The following FKBP2 variants were observed in gnomAD, a reference collection of about 807,000 sequenced individuals.
The protein encoded by FKBP2 is FKBP prolyl isomerase 2, also known as peptidyl-prolyl cis-trans isomerase FKBP2.
FKBP2 carries 15 observed loss-of-function variants against 19.4 expected under a neutral mutation model. That is an observed-to-expected ratio of 0.77 (90% CI 0.52 to 1.19). FKBP2 has a LOEUF of 1.19. Ranked by LOEUF, FKBP2 falls within the 50% of genes most tolerant of loss-of-function variation. FKBP2 has a pLI of 0.00. For missense variants in FKBP2, 170 were observed against 179.0 expected (o/e 0.95, Z 0.29); for synonymous variants, 76 against 74.8 (o/e 1.02, Z -0.08).
At chr11:64,242,644 G>T (rs1024978202) in intron 2 of FKBP2, 86 bp downstream of exon 2, 2 of 1,417,056 alleles carry the variant, frequency 1.4e-6, no homozygotes, top group African/African-American at 1.5e-5. Flanking sequence ...CCATAAGCCA[G>T]GTAGGTGACC....
intron 1 of FKBP2, 50 bp from the exon 2 acceptor site, chr11:64,242,334 T>A: frequency 1.4e-6 from 2 of 1,461,256 alleles, no homozygotes; most frequent in Non-Finnish European, 1.8e-6. Context: ...TTCCATACTC[T>A]CCCTGCCCTC....
rs749331014 is a variant in FKBP2 at position 64,243,893 on chromosome 11, T to TA, written c.367+18dup. The stretch of plus-strand genomic sequence containing the variant: ...AGATTCCAGGTAGTAAACCTTTTGA[T>TA]ACCTCCCATCACCTGCAGCCAGCCC... On this transcript the variant is annotated intron_variant, in intron 5 of 5. Coordinates refer to ENST00000309366, the MANE Select transcript of FKBP2 (RefSeq NM_004470.4). 2 of 1,614,042 alleles carry TA rather than the reference T, an allele frequency of 1.2e-6. No homozygotes were observed.
rs1274014262 is a variant in FKBP2 at position 64,244,058 on chromosome 11, C to G, written c.*29C>G. 7 of 1,610,792 alleles carry G rather than the reference C, an allele frequency of 4.3e-6. No homozygotes were observed. Among genetic ancestry groups the G allele is most frequent in the Non-Finnish European group, 5.9e-6 (7 of 1,177,352 alleles). ...GACTGGGGAGGGGCAGGGGGAGAGG[C>G]CCCCATCAGGGACCAGACTGTTCCA... is the stretch of plus-strand genomic sequence containing the variant. On this transcript the variant is annotated 3_prime_UTR_variant, in exon 6 of 6. Transcript: ENST00000309366.
In FKBP2 at chr11:64,244,093, C is replaced by T. The variant is rs2030749627; in HGVS notation, c.*64C>T. On this transcript the variant is annotated 3_prime_UTR_variant, in exon 6 of 6. Coordinates refer to ENST00000309366, the MANE Select transcript of FKBP2 (RefSeq NM_004470.4). Reference sequence around the variant, plus strand: ...GGACCAGACTGTTCCAAAAAAAAAACAAAAAACAAAAACAAACAAAAAAAC... The same window carrying T: ...GGACCAGACTGTTCCAAAAAAAAAATAAAAAACAAAAACAAACAAAAAAAC... 3 of 1,524,378 alleles carry T rather than the reference C, an allele frequency of 2.0e-6. No homozygotes were observed. The Admixed American group carries it at 5.5e-5, about 28-fold the overall frequency. The allele number at this position is 1,524,378 out of a possible 1,614,324, so 94.4% of individuals were successfully genotyped here.
intron 4 of FKBP2, 170 bp downstream of exon 4, chr11:64,243,667 C>T: frequency 8.6e-7 from 1 of 1,160,964 alleles, no homozygotes; most frequent in Non-Finnish European, 1.3e-6. Context: ...CATTGAAGCA[C>T]TCAGCTGTAG....
rs752626250 is a variant in FKBP2 at position 64,243,821 on chromosome 11, T to A, written c.332-20T>A. The A allele has an allele frequency of 9.3e-6, 15 of 1,613,844 alleles. No individual in the cohort carries two copies. Among genetic ancestry groups the A allele is most frequent in the Admixed American group, 3.3e-5 (2 of 60,006 alleles). ...GGGAGCTTGGCCATCACTGACTGTTTCTTTGTGCATCTTCAACAGGGTATG... is the reference window on the plus strand; with the variant it reads ...GGGAGCTTGGCCATCACTGACTGTTACTTTGTGCATCTTCAACAGGGTATG... On this transcript the variant is annotated intron_variant, in intron 4 of 5. Coordinates refer to ENST00000309366, the MANE Select transcript of FKBP2 (RefSeq NM_004470.4).
rs748473913 is a variant in FKBP2 at position 64,244,012 on chromosome 11, C to T, written c.412C>T (p.Arg138Ter). ...VFEVELLKIERRTEL is the reference protein window; with the variant it reads ...VFEVELLKIE ...CGAGGTGGAGCTGCTCAAAATAGAG[C>T]GACGAACTGAGCTGTAACCAGACTG... is the stretch of plus-strand genomic sequence containing the variant. Residue 138 changes from arginine (R) to a stop codon, truncating the protein, a stop_gained, in exon 6 of 6, where the codon CGA becomes TGA. Transcript: ENST00000309366. LOFTEE classifies it high-confidence loss of function. 4.3e-6 allele frequency: 7 copies of T among 1,613,698 alleles called. No homozygotes were observed. The highest frequency in any genetic ancestry group is 1.7e-5 in the Admixed American group (1 of 59,962).
chr11:64,243,058 A>G (rs1162503218), intron 2 of FKBP2, 141 bp from the exon 3 acceptor site: 1 of 695,852 alleles, frequency 1.4e-6, no homozygotes, highest in East Asian at 2.7e-5. Context: ...GGCAACAGAG[A>G]CTCCATCTCA....
In FKBP2 at chr11:64,242,462, C is replaced by T; in HGVS notation, c.75C>T (p.Ala25=). 6.5e-7 allele frequency: 1 copy of T among 1,547,298 alleles called. No homozygotes were observed. The highest frequency in any genetic ancestry group is 8.7e-7 in the Non-Finnish European group (1 of 1,154,048). Residue 25 remains alanine (A), a synonymous_variant, in exon 2 of 6, where the codon GCC becomes GCT. Transcript: ENST00000309366. ...GCGCCGTGGCCACGGCCACGGGGGC[C>T]GAGGGCAAAAGGAAGCTGCAGATCG... The part of the protein sequence containing the change: ...CLSAVATATG[A]EGKRKLQIGV...
chr11:64,242,243 GGGCGGTGACCC>G, intron 1 of FKBP2, 130 bp from the exon 2 acceptor site: 2 of 803,978 alleles, frequency 2.5e-6, no homozygotes, highest in Non-Finnish European at 3.6e-6. Context: ...CCGGGGGAGA[GGGCGGTGACCC>G]GGGACAAAGG....
chr11:64,244,067 G>A lies in FKBP2; in HGVS notation c.*38G>A, dbSNP rs185914660. Reference sequence around the variant, plus strand: ...GGGGCAGGGGGAGAGGCCCCCATCAGGGACCAGACTGTTCCAAAAAAAAAA... The same window carrying A: ...GGGGCAGGGGGAGAGGCCCCCATCAAGGACCAGACTGTTCCAAAAAAAAAA... On this transcript the variant is annotated 3_prime_UTR_variant, in exon 6 of 6. Transcript: ENST00000309366. 6.3e-3 allele frequency: 10,143 copies of A among 1,602,166 alleles called. 52 individuals carry two copies. Among genetic ancestry groups the A allele is most frequent in the Non-Finnish European group, 7.9e-3 (9,256 of 1,171,582 alleles).
chr11:64,242,535 G>T lies in FKBP2; in HGVS notation c.148G>T (p.Asp50Tyr), dbSNP rs1215996171. 1 of 1,553,096 alleles carries T rather than the reference G, an allele frequency of 6.4e-7. No individual in the cohort carries two copies. The highest frequency in any genetic ancestry group is 1.2e-5 in the South Asian group (1 of 83,830). The change falls in exon 2 of 6, where the codon GAT becomes TAT. Residue 50 changes from aspartate (D) to tyrosine (Y), a missense_variant. Physicochemically the swap from Asp to Tyr is radical, Grantham distance 160. Transcript: ENST00000309366. ...CTGTCCCATCAAATCGCGCAAAGGG[G>T]ATGTCCTGCACATGCACTACACGGT... is the stretch of plus-strand genomic sequence containing the variant. Reference protein sequence around the residue: ...DHCPIKSRKGDVLHMHYTGKL... With the variant: ...DHCPIKSRKGYVLHMHYTGKL...
intron 1 of FKBP2, 194 bp from the exon 2 acceptor site, chr11:64,242,190 C>T: frequency 2.0e-6 from 1 of 510,420 alleles, no homozygotes; most frequent in Non-Finnish European, 3.3e-6. Context: ...GGGTCCTCGG[C>T]CAAGCCCCCT....
chr11:64,243,684 C>G, intron 4 of FKBP2, 157 bp from the exon 5 acceptor site: 1 of 1,185,522 alleles, frequency 8.4e-7, no homozygotes, highest in Non-Finnish European at 1.2e-6. Flanking sequence ...GTAGTGGCCC[C>G]ACTCTGCCCT....
At chr11:64,242,933 G>A (rs1330348026) in intron 2 of FKBP2, among the ~76,000 whole-genome samples, 4 of 152,200 alleles carry the variant, frequency 2.6e-5, no homozygotes, top group African/African-American at 7.2e-5. Context: ...TTAGCCAGGC[G>A]TGGTGGCGGG....
chr11:64,243,987 C>T lies in FKBP2; in HGVS notation c.387C>T (p.Phe129=), dbSNP rs552389491. 3.7e-6 allele frequency: 6 copies of T among 1,613,910 alleles called. No homozygotes were observed. In the African/African-American group the frequency reaches 6.7e-5, roughly 18 times the overall value. Residue 129 remains phenylalanine (F), a synonymous_variant, in exon 6 of 6, where the codon TTC becomes TTT. Transcript: ENST00000309366. ...PKIPGGATLV[F]EVELLKIERR... is the part of the protein sequence containing the mutation. ...CTACAGGTGGTGCAACCCTGGTGTT[C>T]GAGGTGGAGCTGCTCAAAATAGAGC...
chr11:64,242,432 C>T lies in FKBP2; in HGVS notation c.45C>T (p.Cys15=), dbSNP rs900068282. Residue 15 remains cysteine (C), a synonymous_variant, in exon 2 of 6, where the codon TGC becomes TGT. Transcript: ENST00000309366. ...WFRVLTVLSI[C]LSAVATATGA... ...GGGTCCTGACAGTACTGTCCATCTG[C>T]CTGAGCGCCGTGGCCACGGCCACGG... 2 of 1,552,762 alleles carry T rather than the reference C, an allele frequency of 1.3e-6. No homozygotes were observed. Among genetic ancestry groups the T allele is most frequent in the African/African-American group, 1.4e-5 (1 of 70,452 alleles).
Position 64,243,241 on chromosome 11 carries a change from C to T in FKBP2, c.214C>T (p.Gln72Ter). 1 of 1,613,560 alleles carries T rather than the reference C, an allele frequency of 6.2e-7. No homozygotes were observed. Among genetic ancestry groups the T allele is most frequent in the South Asian group, 1.1e-5 (1 of 91,046 alleles). Residue 72 changes from glutamine (Q) to a stop codon, truncating the protein, a stop_gained, in exon 3 of 6, where the codon CAG becomes TAG. Transcript: ENST00000309366. LOFTEE classifies it high-confidence loss of function. Reference sequence around the variant, plus strand: ...GACAGAGTTTGACAGCAGCCTGCCCCAGAACCAGCCCTTTGTCTTCTCCCT... The same window carrying T: ...GACAGAGTTTGACAGCAGCCTGCCCTAGAACCAGCCCTTTGTCTTCTCCCT... ...DGTEFDSSLP[Q>*]NQPFVFSLGT...
chr11:64,243,773 C>T, intron 4 of FKBP2, 68 bp from the exon 5 acceptor site: 1 of 1,588,274 alleles, frequency 6.3e-7, no homozygotes, highest in Non-Finnish European at 8.6e-7. Flanking sequence ...GGGCGGAACA[C>T]TCTCCCTTTG....
Sources: gnomAD v4.1 joint callset for allele counts (sites outside exome capture counted in the v4.1 genomes callset) on GRCh38, gnomAD v4.1.1 for gene constraint, MANE v1.5 for transcripts, NCBI Gene and HGNC (gene_info 2026-07-23, HGNC 2026-07-21) for gene names.